ITPK1: variants seen among roughly 807,000 people sequenced by gnomAD.
ITPK1 encodes the protein inositol 1,3,4-trisphosphate 5/6-kinase.
ITPK1 carries 21 observed loss-of-function variants against 45.3 expected under a neutral mutation model. The ratio of observed to expected loss-of-function variants is 0.46; its 90% CI spans 0.33 to 0.67. The LOEUF (loss-of-function observed/expected upper bound fraction) is 0.67. ITPK1 is among the 30% of genes least tolerant of loss of function. The pLI is 0.02. For synonymous variants in ITPK1, 258 were observed against 253.6 expected, an observed-to-expected ratio of 1.02 and a Z score of -0.16; for missense variants, 474 against 573.5, an observed-to-expected ratio of 0.83 and a Z score of 1.77.
In ITPK1 at chr14:93,034,275, C is replaced by T. The variant is rs759741321; in HGVS notation, c.121-17474G>A. On this transcript the variant is annotated intron_variant, in intron 3 of 10. Coordinates refer to ENST00000267615, the MANE Select transcript of ITPK1 (RefSeq NM_014216.6). The surrounding 1 kb of genome is among the most constrained non-coding windows in gnomAD (Gnocchi z 4.1). ...CAAACCACCCACCCCCAACACTCCC[C>T]CACCCCCTGTCGGAGCAGGAAGATG... Among the ~76,000 whole-genome samples the T allele has an allele frequency of 8.6e-5, 13 of 151,570 alleles. No homozygotes were observed. The highest frequency in any genetic ancestry group is 1.0e-4 in the Non-Finnish European group (7 of 67,840).
At chr14:93,033,412 C>A (rs890755123) in intron 3 of ITPK1, among the ~76,000 whole-genome samples, 1 of 152,140 alleles carries the variant, frequency 6.6e-6, no homozygotes, top group Non-Finnish European at 1.5e-5. Flanking sequence ...CCTCAAAGCC[C>A]CACAACAGCC....
At chr14:92,956,665 T>G (rs897820885) in intron 8 of ITPK1, among the ~76,000 whole-genome samples, 34 of 152,278 alleles carry the variant, frequency 2.2e-4, no homozygotes, top group African/African-American at 7.9e-4. Context: ...TAAATTTCTT[T>G]TAGAGATGGA....
chr14:92,981,075 C>T (rs1886206102), intron 5 of ITPK1, among the ~76,000 whole-genome samples: 1 of 152,172 alleles, frequency 6.6e-6, no homozygotes, highest in African/African-American at 2.4e-5. Context: ...CAGCACTGTC[C>T]TGCCCTGTGG....
At chr14:93,055,736 C>G (rs1257205194) in intron 3 of ITPK1, among the ~76,000 whole-genome samples, 2 of 152,212 alleles carry the variant, frequency 1.3e-5, no homozygotes, top group African/African-American at 4.8e-5. Flanking sequence ...CCCCAACTGC[C>G]AGTCAGGCCT....
intron 3 of ITPK1, among the ~76,000 whole-genome samples, chr14:93,018,327 A>G (rs1461749931): frequency 6.6e-6 from 1 of 152,046 alleles, no homozygotes; most frequent in Non-Finnish European, 1.5e-5. Context: ...CCTCAGGCCT[A>G]GGGGTGGTGA....
rs1393295045 is a variant in ITPK1 at position 92,940,159 on chromosome 14, C to T, written c.*1402G>A. ...GGACCTCCATGCACTGGCTCGGGGG[C>T]CTCTCTCGGGACACTCAGCACTTTC... On this transcript the variant is annotated 3_prime_UTR_variant, in exon 11 of 11. Transcript: ENST00000267615. 5 of 985,590 alleles carry T rather than the reference C, an allele frequency of 5.1e-6. No homozygotes were observed. The highest frequency in any genetic ancestry group is 6.0e-6 in the Non-Finnish European group (5 of 830,068). The allele number at this position is 985,590 out of a possible 1,614,324, so 61.1% of individuals were successfully genotyped here.
rs558690104 is a variant in ITPK1 at position 93,022,986 on chromosome 14, A to C, written c.121-6185T>G. ...GGAAAAGGCTGATAAGAAAACCCAG[A>C]ATATGAAAATAAAAGGACTGTGGGT... On this transcript the variant is annotated intron_variant, in intron 3 of 10. Transcript: ENST00000267615. Among the ~76,000 whole-genome samples, 4 of 152,356 alleles carry C rather than the reference A, an allele frequency of 2.6e-5. No homozygotes were observed. In the East Asian group the frequency reaches 7.7e-4, roughly 29 times the overall value.
intron 9 of ITPK1, among the ~76,000 whole-genome samples, chr14:92,950,103 C>T (rs747235170): frequency 1.3e-5 from 2 of 152,246 alleles, no homozygotes; most frequent in South Asian, 2.1e-4. Flanking sequence ...CAGGCAGTCC[C>T]GTCAGAGTCT....
rs552308998 is a variant in ITPK1 at position 93,036,017 on chromosome 14, G to A, written c.121-19216C>T. On this transcript the variant is annotated intron_variant, in intron 3 of 10. Transcript: ENST00000267615. This position sits in a 1 kb window ranked among gnomAD's most constrained non-coding sequence, Gnocchi z 4.1. ...ACTAATTTGAATTGTTCTAATTCCTGAGGAGCATCCTCAGAGTTTGGAAAC... is the reference window on the plus strand; with the variant it reads ...ACTAATTTGAATTGTTCTAATTCCTAAGGAGCATCCTCAGAGTTTGGAAAC... Among the ~76,000 whole-genome samples the A allele has an allele frequency of 9.2e-5, 14 of 152,308 alleles. No homozygotes were observed. The highest frequency in any genetic ancestry group is 5.2e-4 in the Admixed American group (8 of 15,302).
chr14:93,088,182 C>A (rs976720187), intron 2 of ITPK1, among the ~76,000 whole-genome samples: 1 of 152,162 alleles, frequency 6.6e-6, no homozygotes, highest in Non-Finnish European at 1.5e-5. Context: ...TCGTTCCCCA[C>A]CCAGGCCTGC....
chr14:93,084,079 T>TC (rs1438454044), intron 2 of ITPK1, among the ~76,000 whole-genome samples: 1 of 152,042 alleles, frequency 6.6e-6, no homozygotes, highest in African/African-American at 2.4e-5. Flanking sequence ...GGTGACCATG[T>TC]CCCCTCCTGG....
intron 4 of ITPK1, among the ~76,000 whole-genome samples, chr14:92,996,558 G>A (rs1386551523): frequency 6.6e-6 from 1 of 150,802 alleles, no homozygotes; most frequent in Non-Finnish European, 1.5e-5. Context: ...TTGTGCACAT[G>A]TACCCTAGAA....
intron 7 of ITPK1, 72 bp downstream of exon 7, chr14:92,962,283 A>C: frequency 3.6e-6 from 4 of 1,110,174 alleles, no homozygotes; most frequent in Non-Finnish European, 4.2e-6. Context: ...GGAATCCGGC[A>C]GGGTAGCAGT....
chr14:93,010,781 C>T (rs1269847242), intron 4 of ITPK1, among the ~76,000 whole-genome samples: 1 of 152,192 alleles, frequency 6.6e-6, no homozygotes, highest in Non-Finnish European at 1.5e-5. Flanking sequence ...CGGGCCTGTA[C>T]TGAGTGGCTC....
intron 2 of ITPK1, among the ~76,000 whole-genome samples, chr14:93,096,628 G>A (rs1009384766): frequency 1.3e-5 from 2 of 152,210 alleles, no homozygotes; most frequent in South Asian, 2.1e-4. Context: ...GCACCCAGCA[G>A]CACAAGGAGA....
At chr14:93,060,563 C>A (rs911529767) in intron 3 of ITPK1, among the ~76,000 whole-genome samples, 5 of 152,182 alleles carry the variant, frequency 3.3e-5, no homozygotes, top group African/African-American at 1.2e-4. Flanking sequence ...GGAGGGGACC[C>A]TGCTCTGCTG....
chr14:93,082,011 G>T (rs901186712), intron 2 of ITPK1, among the ~76,000 whole-genome samples: 1 of 152,126 alleles, frequency 6.6e-6, no homozygotes, highest in African/African-American at 2.4e-5. Flanking sequence ...AGGGTTCATC[G>T]CACTCCGGGT....
chr14:92,944,708 A>G (rs1327890593), intron 10 of ITPK1, among the ~76,000 whole-genome samples: 1 of 151,900 alleles, frequency 6.6e-6, no homozygotes, highest in Non-Finnish European at 1.5e-5. Context: ...ACACTTCCTT[A>G]TCCTGAACGT....
At chr14:93,044,920 C>T (rs907107572) in intron 3 of ITPK1, among the ~76,000 whole-genome samples, 1 of 152,224 alleles carries the variant, frequency 6.6e-6, no homozygotes, top group African/African-American at 2.4e-5. Flanking sequence ...TCCCCACCAA[C>T]CTGACAGGGT....
Sources: gnomAD v4.1 joint callset for allele counts (sites outside exome capture counted in the v4.1 genomes callset) on GRCh38, gnomAD v4.1.1 for gene constraint, Gnocchi (gnomAD v3.1) non-coding constraint, MANE v1.5 for transcripts, NCBI Gene and HGNC (gene_info 2026-07-23, HGNC 2026-07-21) for gene names.